Variants in DDX43 observed in about 807,000 individuals in gnomAD.
DDX43 encodes DEAD-box helicase 43, also known as probable ATP-dependent RNA helicase DDX43.
DDX43 carries 50 observed loss-of-function variants against 84.9 expected under a neutral mutation model. That is an observed-to-expected ratio of 0.59 (90% CI 0.47 to 0.75). DDX43 has a LOEUF of 0.75. Among genes scored for constraint, DDX43 ranks in the 30% least tolerant of loss-of-function variants. The probability of loss-of-function intolerance (pLI) is 0.00; values close to 1 mark genes in which losing one functional copy is unlikely to be tolerated. For missense variants in DDX43, 689 were observed against 798.6 expected (o/e 0.86, Z 1.65); for synonymous variants, 291 against 266.3 (o/e 1.09, Z -0.90).
rs910486190 is a variant in DDX43 at position 73,394,853 on chromosome 6, A to G, written c.-53A>G. 4 of 1,592,200 alleles carry G rather than the reference A, an allele frequency of 2.5e-6. No individual in the cohort carries two copies. The highest frequency in any genetic ancestry group is 1.3e-5 in the African/African-American group (1 of 74,516). ...ACGCTACTCTTACGACGTCACGGTCAGGTGGTGCAGAGCTGGACGGCAACG... is the reference window on the plus strand; with the variant it reads ...ACGCTACTCTTACGACGTCACGGTCGGGTGGTGCAGAGCTGGACGGCAACG... On this transcript the variant is annotated 5_prime_UTR_variant, in exon 1 of 17. Transcript: ENST00000370336.
At chr6:73,403,816 A>ATT (rs35707346) in intron 4 of DDX43, among the ~76,000 whole-genome samples, 2 of 138,594 alleles carry the variant, frequency 1.4e-5, no homozygotes, top group Admixed American at 7.3e-5. Context: ...TGCCAGGCTA[A>ATT]TTTTTTTTTT....
chr6:73,402,003 T>C lies in DDX43; in HGVS notation c.568+13T>C. 1 of 1,613,018 alleles carries C rather than the reference T, an allele frequency of 6.2e-7. No homozygotes were observed. Among genetic ancestry groups the C allele is most frequent in the African/African-American group, 1.3e-5 (1 of 74,998 alleles). On this transcript the variant is annotated intron_variant, in intron 4 of 16. Coordinates refer to ENST00000370336, the MANE Select transcript of DDX43 (RefSeq NM_018665.3). ...ACAAAGTGGGCAGGTCAGTGCTGCT[T>C]CCTAATATTTACATATATTGTTTCT...
At chr6:73,402,355 A>G (rs965410777) in intron 4 of DDX43, among the ~76,000 whole-genome samples, 1 of 151,858 alleles carries the variant, frequency 6.6e-6, no homozygotes, top group African/African-American at 2.4e-5. Context: ...GACAAGAGCA[A>G]AAAAAAAGGG....
chr6:73,415,522 T>G lies in DDX43; in HGVS notation c.1771T>G (p.Leu591Val). 3 of 1,613,584 alleles carry G rather than the reference T, an allele frequency of 1.9e-6. No homozygotes were observed. Among genetic ancestry groups the G allele is most frequent in the Non-Finnish European group, 2.5e-6 (3 of 1,179,626 alleles). Residue 591 changes from leucine (L) to valine (V), a missense_variant, in exon 15 of 17, where the codon TTG (leucine) becomes GTG (valine). Leu to Val is a conservative substitution (Grantham distance 32). Around this residue, in one of 2 missense-constraint regions of DDX43, gnomAD observed 552 missense variants for 692.7 expected, o/e 0.80. Transcript: ENST00000370336. Reference sequence around the variant, plus strand: ...GAGGACTGGTGTTTCCATTACAACTTTGACTAGAAATGATTGGAGGGTTGC... The same window carrying G: ...GAGGACTGGTGTTTCCATTACAACTGTGACTAGAAATGATTGGAGGGTTGC... ...AGRTGVSITTLTRNDWRVASE... is the reference protein window; with the variant it reads ...AGRTGVSITTVTRNDWRVASE...
rs1769884930 is a variant in DDX43, at chr6:73,415,494, AAGG to A, written c.1748_1750del (p.Arg583del). The stretch of plus-strand genomic sequence containing the variant: ...ACATGAGTTTTTTTCCCCCACACTA[AAGG>A]AGGACTGGTGTTTCCATTACAACTT... On this transcript the variant is annotated splice_acceptor_variant and coding_sequence_variant, in exon 15 of 17. Coordinates refer to ENST00000370336, the MANE Select transcript of DDX43 (RefSeq NM_018665.3). LOFTEE classifies it high-confidence loss of function. The A allele has an allele frequency of 1.2e-6, 2 of 1,609,168 alleles. No individual in the cohort carries two copies. Among genetic ancestry groups the A allele is most frequent in the Admixed American group, 3.3e-5 (2 of 59,734 alleles).
At position 73,406,421 on chromosome 6, in the gene DDX43, G is replaced by A; in HGVS notation, c.865G>A (p.Gly289Arg). 1.2e-6 allele frequency: 2 copies of A among 1,613,718 alleles called. No homozygotes were observed. Among genetic ancestry groups the A allele is most frequent in the East Asian group, 2.2e-5 (1 of 44,872 alleles). Residue 289 changes from glycine (G) to arginine (R), a missense_variant, in exon 7 of 17, where the codon GGA (glycine) becomes AGA (arginine). This residue lies in a region of DDX43 where 552 missense variants were observed against 692.7 expected (regional missense o/e 0.80). Coordinates refer to ENST00000370336, the MANE Select transcript of DDX43 (RefSeq NM_018665.3). ...GIDLIGVAQT[G>R]TGKTLCYLMP... ...AGATCTTATAGGAGTAGCCCAGACT[G>A]GAACAGGAAAGACATTGTGTTATTT...
chr6:73,413,719 T>C lies in DDX43; in HGVS notation c.1430T>C (p.Met477Thr), dbSNP rs1769847691. ...VTTEEEKWSH[M>T]QTFLQSMSST... is the part of the protein sequence containing the mutation. The stretch of plus-strand genomic sequence containing the variant: ...ACCGAGGAAGAGAAATGGAGTCACA[T>C]GCAAACTTTTCTACAGAGTATGTCA... The change falls in exon 12 of 17, where the codon ATG becomes ACG. Residue 477 changes from methionine (M) to threonine (T), a missense_variant. Physicochemically the swap from Met to Thr is moderately conservative, Grantham distance 81 (BLOSUM62 -1). Transcript: ENST00000370336. 9 of 1,613,818 alleles carry C rather than the reference T, an allele frequency of 5.6e-6. No homozygotes were observed. The highest frequency in any genetic ancestry group is 6.8e-6 in the Non-Finnish European group (8 of 1,179,906).
chr6:73,414,739 C>G, intron 14 of DDX43, 53 bp downstream of exon 14: 1 of 1,500,086 alleles, frequency 6.7e-7, no homozygotes, highest in East Asian at 2.4e-5. Flanking sequence ...CTCCTTATTC[C>G]TCTCACAAAC....
rs376258603 is a variant in DDX43 at position 73,412,638 on chromosome 6, A to ATAGTGTGTGTGT, written c.1368+346_1368+347insTAGTGTGTGTGT. 1.2e-3 allele frequency among the ~76,000 whole-genome samples: 74 copies of ATAGTGTGTGTGT among 59,710 alleles called. 1 individual carries two copies. The highest frequency in any genetic ancestry group is 1.5e-3 in the Non-Finnish European group (37 of 24,448). The allele number at this position is 59,710 out of a possible 152,430, so 39.2% of individuals were successfully genotyped here. On this transcript the variant is annotated intron_variant, in intron 11 of 16. Transcript: ENST00000370336. ...CTGGGTTCAAGTGATATATATATATAGTGTGTGTGTGTGTGTGTGTGTGTG... is the reference window on the plus strand; with the variant it reads ...CTGGGTTCAAGTGATATATATATATATAGTGTGTGTGTGTGTGTGTGTGTGTGTGTGTGTGTG...
At chr6:73,398,945 T>C (rs1012303644) in intron 2 of DDX43, among the ~76,000 whole-genome samples, 5 of 152,080 alleles carry the variant, frequency 3.3e-5, no homozygotes, top group Non-Finnish European at 5.9e-5. Context: ...ACAATAATTT[T>C]ATTTTTTTAT....
chr6:73,405,576 C>T, intron 5 of DDX43, 103 bp from the exon 6 acceptor site: 1 of 1,080,144 alleles, frequency 9.3e-7, no homozygotes, highest in Non-Finnish European at 1.3e-6. Context: ...TCATTTTAAT[C>T]AGTTGCAGTT....
Position 73,405,790 on chromosome 6 carries a change from G to T in DDX43, c.762G>T (p.Met254Ile). 1 of 1,613,936 alleles carries T rather than the reference G, an allele frequency of 6.2e-7. No homozygotes were observed. Among genetic ancestry groups the T allele is most frequent in the Non-Finnish European group, 8.5e-7 (1 of 1,179,940 alleles). The change falls in exon 6 of 17, where the codon ATG (methionine) becomes ATT (isoleucine). Residue 254 changes from methionine (M) to isoleucine (I), a missense_variant. This residue lies in a region of DDX43 where 552 missense variants were observed against 692.7 expected (regional missense o/e 0.80). Transcript: ENST00000370336. ...DDAFQCYPEVMENIKKAGFQK... is the reference protein window; with the variant it reads ...DDAFQCYPEVIENIKKAGFQK... ...CCTTTCAATGTTATCCTGAGGTTATGGAAAACATTAAAAAGGCAGGTTTTC... is the reference window on the plus strand; with the variant it reads ...CCTTTCAATGTTATCCTGAGGTTATTGAAAACATTAAAAAGGCAGGTTTTC...
chr6:73,412,728 CGTGTGTGT>C (rs35713525), intron 11 of DDX43, among the ~76,000 whole-genome samples: 19 of 118,952 alleles, frequency 1.6e-4, no homozygotes, highest in African/African-American at 5.1e-4. Context: ...TGATATATAG[CGTGTGTGT>C]GTGTGTGTGT....
At chr6:73,412,008 T>G (rs915713962) in intron 10 of DDX43, among the ~76,000 whole-genome samples, 197 bp from the exon 11 acceptor site, 1 of 152,240 alleles carries the variant, frequency 6.6e-6, no homozygotes, top group Non-Finnish European at 1.5e-5. Context: ...AAAAACCTAT[T>G]TATTAAACAT....
At chr6:73,404,378 C>A (rs1325246725) in intron 4 of DDX43, among the ~76,000 whole-genome samples, 1 of 152,154 alleles carries the variant, frequency 6.6e-6, no homozygotes, top group Admixed American at 6.6e-5. Context: ...CAGGTGTGAG[C>A]CACTGCGCCT....
At chr6:73,412,678 CGTGTGTGTGTGTGCGCGTGCGT>C (rs1769821127) in intron 11 of DDX43, among the ~76,000 whole-genome samples, 27 of 76,516 alleles carry the variant, frequency 3.5e-4, no homozygotes, top group Middle Eastern at 6.9e-3. Flanking sequence ...TGCGCGCGCG[CGTGTGTGTGTGTGCGCGTGCGT>C]GCGCACGCAT....
chr6:73,412,632 A>AG (rs1554236111), intron 11 of DDX43, among the ~76,000 whole-genome samples: 26 of 50,512 alleles, frequency 5.1e-4, no homozygotes, highest in Non-Finnish European at 7.4e-4. Context: ...AGTGATATAT[A>AG]TATATAGTGT....
intron 5 of DDX43, among the ~76,000 whole-genome samples, chr6:73,405,238 A>G (rs1476889013): frequency 6.6e-6 from 1 of 152,242 alleles, no homozygotes; most frequent in Non-Finnish European, 1.5e-5. Context: ...TAAGAGATGC[A>G]TGGAATAGCA....
intron 1 of DDX43, 137 bp from the exon 2 acceptor site, chr6:73,397,552 T>C (rs990317286): frequency 1.7e-5 from 12 of 703,400 alleles, no homozygotes; most frequent in South Asian, 9.4e-5. Context: ...CTTCCCTCTT[T>C]CCAAACAAAA....
Sources: allele counts gnomAD v4.1 joint callset (sites outside exome capture counted in the v4.1 genomes callset), GRCh38; gene constraint gnomAD v4.1.1; regional missense constraint gnomAD v4.1.1; transcripts MANE v1.5; gene names NCBI Gene and HGNC (gene_info 2026-07-23, HGNC 2026-07-21).